PPM1H: variants seen among roughly 807,000 people sequenced by gnomAD.
The protein encoded by PPM1H is protein phosphatase 1H.
In PPM1H, 27 loss-of-function variants were observed where a neutral mutation model predicts 54.9. The ratio of observed to expected loss-of-function variants is 0.49; its 90% CI spans 0.36 to 0.68. The LOEUF is 0.68. Among genes scored for constraint, PPM1H ranks in the 30% least tolerant of loss-of-function variants. The probability of loss-of-function intolerance (pLI) is 0.00; values close to 1 mark genes in which losing one functional copy is unlikely to be tolerated. For synonymous variants in PPM1H, 305 were observed against 270.8 expected, an observed-to-expected ratio of 1.13 and a Z score of -1.24; for missense variants, 596 against 667.8, an observed-to-expected ratio of 0.89 and a Z score of 1.19.
intron 4 of PPM1H, among the ~76,000 whole-genome samples, chr12:62,770,020 G>A (rs1435247913): frequency 6.6e-6 from 1 of 151,492 alleles, no homozygotes; most frequent in African/African-American, 2.4e-5. Flanking sequence ...CCTTTTATCT[G>A]CAGCTATTTG....
chr12:62,917,231 C>T (rs1023200128), intron 1 of PPM1H, among the ~76,000 whole-genome samples: 1 of 152,350 alleles, frequency 6.6e-6, no homozygotes, highest in African/African-American at 2.4e-5. Flanking sequence ...CTTTCTGCGG[C>T]AATTTAACGG....
intron 4 of PPM1H, among the ~76,000 whole-genome samples, chr12:62,787,437 G>A (rs948776641): frequency 6.6e-6 from 1 of 152,238 alleles, no homozygotes; most frequent in Admixed American, 6.5e-5. Context: ...AAGCGGTGGA[G>A]AAGTGTGTAA....
chr12:62,730,610 G>A (rs1307963164), intron 5 of PPM1H, among the ~76,000 whole-genome samples: 1 of 152,012 alleles, frequency 6.6e-6, no homozygotes, highest in Non-Finnish European at 1.5e-5. Flanking sequence ...CAGCATTTGA[G>A]AGAAAGTAAT....
At chr12:62,930,491 A>T (rs1231613331) in intron 1 of PPM1H, among the ~76,000 whole-genome samples, 3 of 152,352 alleles carry the variant, frequency 2.0e-5, no homozygotes, top group Admixed American at 6.5e-5. Flanking sequence ...ACCACAACAC[A>T]TTCTTTGGCA....
intron 9 of PPM1H, 77 bp from the exon 10 acceptor site, chr12:62,648,713 G>A (rs1391347938): frequency 4.0e-6 from 6 of 1,486,556 alleles, no homozygotes; most frequent in African/African-American, 1.4e-5. Context: ...CTGGGAAGGG[G>A]GAGGCATCAC....
chr12:62,823,677 G>C (rs56293503), intron 2 of PPM1H, among the ~76,000 whole-genome samples: 77 of 152,184 alleles, frequency 5.1e-4, no homozygotes, highest in African/African-American at 1.8e-3. Flanking sequence ...ATGCAGAAAA[G>C]GCCTTTGACA....
intron 1 of PPM1H, among the ~76,000 whole-genome samples, chr12:62,890,793 T>A (rs1014261465): frequency 6.0e-5 from 9 of 151,074 alleles, no homozygotes; most frequent in Admixed American, 3.3e-4. Flanking sequence ...AAAACATGTC[T>A]AACACTTAAC....
chr12:62,734,530 C>T (rs2076340531), intron 5 of PPM1H, among the ~76,000 whole-genome samples: 1 of 152,184 alleles, frequency 6.6e-6, no homozygotes, highest in Non-Finnish European at 1.5e-5. Flanking sequence ...AAGCCACATG[C>T]ATCTTATTTC....
In PPM1H at chr12:62,818,666, G is replaced by A. The variant is rs1302605327; in HGVS notation, c.411+13448C>T. On this transcript the variant is annotated intron_variant, in intron 2 of 9. Transcript: ENST00000228705. ...GCCAAAGAGTATCTATTTGCTATTTGCCAGACTGTGGGCTTATAGCTCTTC... is the reference window on the plus strand; with the variant it reads ...GCCAAAGAGTATCTATTTGCTATTTACCAGACTGTGGGCTTATAGCTCTTC... 2.0e-5 allele frequency among the ~76,000 whole-genome samples: 3 copies of A among 152,056 alleles called. No individual in the cohort carries two copies. The South Asian group carries it at 6.2e-4, about 32-fold the overall frequency.
Position 62,648,462 on chromosome 12 carries a change from C to T in PPM1H, c.*27G>A. ...AGAGGCATCCCAGCTTTCTTCCCCT[C>T]TGTCCTCCCAATCCCCTGGGCCATT... On this transcript the variant is annotated 3_prime_UTR_variant, in exon 10 of 10. Transcript: ENST00000228705. The T allele has an allele frequency of 6.2e-7, 1 of 1,612,538 alleles. No homozygotes were observed. Among genetic ancestry groups the T allele is most frequent in the African/African-American group, 1.3e-5 (1 of 75,046 alleles).
intron 5 of PPM1H, among the ~76,000 whole-genome samples, chr12:62,737,208 A>G (rs2076354119): frequency 7.5e-6 from 1 of 134,124 alleles, no homozygotes; most frequent in African/African-American, 2.8e-5. Flanking sequence ...ATTGTACATA[A>G]GAAGCCATTA....
Position 62,765,010 on chromosome 12 carries a change from C to A in PPM1H, c.869+23216G>T, listed in dbSNP as rs939508720. On this transcript the variant is annotated intron_variant, in intron 4 of 9. Coordinates refer to ENST00000228705, the MANE Select transcript of PPM1H (RefSeq NM_020700.2). Reference sequence around the variant, plus strand: ...GCTGGGGCCAGTCAGAAGGACCTTGCAGGTCATCAAAAAAGTTCAGATGAG... The same window carrying A: ...GCTGGGGCCAGTCAGAAGGACCTTGAAGGTCATCAAAAAAGTTCAGATGAG... 2.6e-5 allele frequency among the ~76,000 whole-genome samples: 4 copies of A among 152,178 alleles called. No individual in the cohort carries two copies. In the East Asian group the frequency reaches 5.8e-4, roughly 22 times the overall value.
At position 62,738,204 on chromosome 12, in the gene PPM1H, G is replaced by A. The variant is rs563148830; in HGVS notation, c.870-618C>T. Among the ~76,000 whole-genome samples, 5 of 152,178 alleles carry A rather than the reference G, an allele frequency of 3.3e-5. 1 individual carries two copies. Among genetic ancestry groups the A allele is most frequent in the Admixed American group, 2.6e-4 (4 of 15,296 alleles). On this transcript the variant is annotated intron_variant, in intron 4 of 9. Coordinates refer to ENST00000228705, the MANE Select transcript of PPM1H (RefSeq NM_020700.2). Reference sequence around the variant, plus strand: ...GGGCCAGCAGCATTGGCTTCACCTGGGAGCTTGTTAGAAATGCAGAATCTC... The same window carrying A: ...GGGCCAGCAGCATTGGCTTCACCTGAGAGCTTGTTAGAAATGCAGAATCTC...
At chr12:62,660,855 T>C (rs1246959706) in intron 9 of PPM1H, among the ~76,000 whole-genome samples, 1 of 152,236 alleles carries the variant, frequency 6.6e-6, no homozygotes, top group Non-Finnish European at 1.5e-5. Flanking sequence ...CCCAATATTG[T>C]GTAATTACTT....
intron 1 of PPM1H, among the ~76,000 whole-genome samples, chr12:62,855,450 G>T (rs1174592212): frequency 6.6e-6 from 1 of 152,138 alleles, no homozygotes; most frequent in African/African-American, 2.4e-5. Flanking sequence ...GCAGAAACAG[G>T]TTGTCATGGA....
intron 2 of PPM1H, among the ~76,000 whole-genome samples, chr12:62,831,747 ATATATATTCGTG>A (rs1868362098): frequency 1.3e-5 from 2 of 149,084 alleles, no homozygotes. Flanking sequence ...GTGTATACGT[ATATATATTCGTG>A]TATATATATA....
At chr12:62,719,032 T>C (rs1184683488) in intron 6 of PPM1H, among the ~76,000 whole-genome samples, 2 of 152,224 alleles carry the variant, frequency 1.3e-5, no homozygotes, top group African/African-American at 4.8e-5. Flanking sequence ...TGGAAGTAGA[T>C]GGGGTAGGCA....
chr12:62,646,864 T>A lies in PPM1H; in HGVS notation c.*1625A>T, dbSNP rs776325171. The A allele has an allele frequency of 1.3e-5, 2 of 152,266 alleles. No individual in the cohort carries two copies. The highest frequency in any genetic ancestry group is 2.9e-5 in the Non-Finnish European group (2 of 68,048). 9.4% of individuals were successfully genotyped at this position (152,266 alleles called of 1,614,324 possible). ...CAGAAATGCAGGTGATTTACTGCCCTGGAGGAGAGGTTCCTATCCTCTCCT... is the reference window on the plus strand; with the variant it reads ...CAGAAATGCAGGTGATTTACTGCCCAGGAGGAGAGGTTCCTATCCTCTCCT... On this transcript the variant is annotated 3_prime_UTR_variant, in exon 10 of 10. Transcript: ENST00000228705.
intron 2 of PPM1H, among the ~76,000 whole-genome samples, chr12:62,817,116 TAAAA>T (rs1189819660): frequency 5.3e-4 from 22 of 41,790 alleles, no homozygotes; most frequent in South Asian, 2.0e-3. Context: ...ACTGCATTAC[TAAAA>T]AAAAAAAAAA....
Sources: allele counts gnomAD v4.1 joint callset (sites outside exome capture counted in the v4.1 genomes callset), GRCh38; gene constraint gnomAD v4.1.1; transcripts MANE v1.5; gene names NCBI Gene and HGNC (gene_info 2026-07-23, HGNC 2026-07-21).